Variants in CCSER1 observed in about 807,000 individuals in gnomAD.
The protein encoded by CCSER1 is coiled-coil serine rich protein 1.
A neutral mutation model predicts 82.0 loss-of-function variants in CCSER1; 41 were observed. The ratio of observed to expected loss-of-function variants is 0.50; its 90% CI spans 0.39 to 0.65. The LOEUF is 0.65. CCSER1 is among the 30% of genes least tolerant of loss of function. The pLI, the probability that CCSER1 is intolerant of heterozygous loss-of-function variation, is 0.00. For missense variants in CCSER1, 1,119 were observed against 1,064.2 expected (o/e 1.05, Z -0.72); for synonymous variants, 414 against 383.9 (o/e 1.08, Z -0.92).
chr4:90,855,216 T>G (rs1436370786), intron 8 of CCSER1, among the ~76,000 whole-genome samples: 1 of 152,110 alleles, frequency 6.6e-6, no homozygotes, highest in Non-Finnish European at 1.5e-5. Context: ...AGAATCCAAA[T>G]AGATGACTAC....
intron 10 of CCSER1, among the ~76,000 whole-genome samples, chr4:91,300,582 C>T (rs997811732): frequency 6.6e-6 from 1 of 151,638 alleles, no homozygotes; most frequent in Admixed American, 6.6e-5. Flanking sequence ...AAAATGATTT[C>T]CACCAGTCCA....
chr4:91,214,393 C>A (rs906685533), intron 10 of CCSER1, among the ~76,000 whole-genome samples: 4 of 152,106 alleles, frequency 2.6e-5, no homozygotes, highest in Non-Finnish European at 4.4e-5. Context: ...AATTTCAGTA[C>A]CTTTTGCCCA....
intron 10 of CCSER1, among the ~76,000 whole-genome samples, chr4:91,408,431 C>T (rs1003435608): frequency 3.3e-5 from 5 of 152,148 alleles, no homozygotes; most frequent in African/African-American, 1.2e-4. Flanking sequence ...TTATATCAGC[C>T]AGCCTTTTTA....
chr4:91,583,843 C>T (rs982162424), intron 10 of CCSER1, among the ~76,000 whole-genome samples: 1 of 151,334 alleles, frequency 6.6e-6, no homozygotes, highest in African/African-American at 2.4e-5. Flanking sequence ...CAACTTTATA[C>T]AGCTCTTTAG....
intron 10 of CCSER1, among the ~76,000 whole-genome samples, chr4:91,167,267 A>G (rs1326963973): frequency 6.8e-6 from 1 of 146,674 alleles, no homozygotes; most frequent in East Asian, 2.0e-4. Flanking sequence ...GCTCACTGTA[A>G]CCTTTGCCTC....
At chr4:91,504,092 G>T (rs1266868994) in intron 10 of CCSER1, among the ~76,000 whole-genome samples, 1 of 152,120 alleles carries the variant, frequency 6.6e-6, no homozygotes, top group Admixed American at 6.5e-5. Flanking sequence ...GATCACAACT[G>T]AAGGACTACA....
intron 10 of CCSER1, among the ~76,000 whole-genome samples, chr4:91,152,902 C>T (rs1730390463): frequency 6.6e-6 from 1 of 151,494 alleles, no homozygotes; most frequent in Non-Finnish European, 1.5e-5. Flanking sequence ...TTAGGCTTCC[C>T]TATTTGGGTA....
chr4:91,155,084 C>A (rs980752159), intron 10 of CCSER1, among the ~76,000 whole-genome samples: 14 of 151,246 alleles, frequency 9.3e-5, no homozygotes, highest in African/African-American at 2.4e-4. Flanking sequence ...TCCCATAATT[C>A]TTTGGGCTTG....
chr4:91,128,643 G>T (rs540841578), intron 10 of CCSER1, among the ~76,000 whole-genome samples: 2 of 152,036 alleles, frequency 1.3e-5, no homozygotes, highest in African/African-American at 4.8e-5. Flanking sequence ...CAAAGAGCTC[G>T]GAGTGAGGAA....
chr4:91,463,488 C>G lies in CCSER1; in HGVS notation c.2218-135084C>G, dbSNP rs182521170. On this transcript the variant is annotated intron_variant, in intron 10 of 10. Coordinates refer to ENST00000509176, the MANE Select transcript of CCSER1 (RefSeq NM_001145065.2). Reference sequence around the variant, plus strand: ...AAGGAATGCAGCTCCTCACCAGCAACAGAACAAAGGTGGACAGAGAATGAC... The same window carrying G: ...AAGGAATGCAGCTCCTCACCAGCAAGAGAACAAAGGTGGACAGAGAATGAC... Among the ~76,000 whole-genome samples the G allele has an allele frequency of 1.4e-4, 22 of 152,316 alleles. No individual in the cohort carries two copies. In the East Asian group the frequency reaches 4.1e-3, roughly 28 times the overall value.
At chr4:91,003,661 G>A (rs28524051) in intron 9 of CCSER1, among the ~76,000 whole-genome samples, 41,615 of 152,010 alleles carry the variant, frequency 0.27, 6,891 homozygotes, top group East Asian at 0.39. Context: ...TATGAGAGCA[G>A]TTAGGGCTTT....
intron 1 of CCSER1, among the ~76,000 whole-genome samples, chr4:90,288,057 C>T (rs1730227705): frequency 6.6e-6 from 1 of 151,830 alleles, no homozygotes; most frequent in African/African-American, 2.4e-5. Context: ...ACAAGATTAC[C>T]AAGTTTGTTA....
intron 1 of CCSER1, among the ~76,000 whole-genome samples, chr4:90,300,755 T>C (rs781142174): frequency 8.5e-5 from 13 of 152,210 alleles, no homozygotes; most frequent in African/African-American, 2.2e-4. Context: ...GCTTCCAAGA[T>C]GATACAGCTC....
At chr4:91,050,818 A>C (rs937772605) in intron 9 of CCSER1, among the ~76,000 whole-genome samples, 8 of 152,244 alleles carry the variant, frequency 5.3e-5, no homozygotes, top group Non-Finnish European at 1.0e-4. Flanking sequence ...GTCATAGCAC[A>C]GATGACTGTT....
At chr4:91,398,929 T>C (rs903574677) in intron 10 of CCSER1, among the ~76,000 whole-genome samples, 1 of 151,946 alleles carries the variant, frequency 6.6e-6, no homozygotes, top group African/African-American at 2.4e-5. Flanking sequence ...GGAGCACTAG[T>C]CCAGAGCTTA....
chr4:90,716,734 C>G (rs1337637072), intron 6 of CCSER1, among the ~76,000 whole-genome samples: 1 of 151,928 alleles, frequency 6.6e-6, no homozygotes, highest in African/African-American at 2.4e-5. Flanking sequence ...GTGTAGTAGA[C>G]TAAGCTATCT....
At chr4:91,440,831 A>G (rs1439968555) in intron 10 of CCSER1, among the ~76,000 whole-genome samples, 5 of 152,234 alleles carry the variant, frequency 3.3e-5, no homozygotes, top group Non-Finnish European at 5.9e-5. Context: ...ATCAGACAAT[A>G]CTACAAACAC....
intron 1 of CCSER1, among the ~76,000 whole-genome samples, chr4:90,208,173 C>T (rs997018066): frequency 2.0e-5 from 3 of 152,164 alleles, no homozygotes; most frequent in Non-Finnish European, 2.9e-5. Flanking sequence ...GGGGCTGCTG[C>T]CTTTCTTTCA....
At position 90,628,029 on chromosome 4, in the gene CCSER1, C is replaced by CT. The variant is rs1560839714; in HGVS notation, c.1732dup (p.Ser578PhefsTer9). ...TCTTTTTTTTTTTCTTGTTAGGAAT[C>CT]TTTCCCTGAAATTAACAAAGGACGT... On this transcript the variant is annotated frameshift_variant, in exon 6 of 11. Coordinates refer to ENST00000509176, the MANE Select transcript of CCSER1 (RefSeq NM_001145065.2). LOFTEE classifies it high-confidence loss of function. The CT allele has an allele frequency of 6.2e-7, 1 of 1,610,456 alleles. No homozygotes were observed. The highest frequency in any genetic ancestry group is 1.3e-5 in the African/African-American group (1 of 74,474).
Sources: gnomAD v4.1 joint callset for allele counts (sites outside exome capture counted in the v4.1 genomes callset) on GRCh38, gnomAD v4.1.1 for gene constraint, MANE v1.5 for transcripts, NCBI Gene and HGNC (gene_info 2026-07-23, HGNC 2026-07-21) for gene names.